The following PLA2R1 variants were observed in gnomAD, a reference collection of about 807,000 sequenced individuals.
PLA2R1 encodes the protein secretory phospholipase A2 receptor.
Under a neutral mutation model 195.9 loss-of-function variants are expected in PLA2R1, and 158 were observed. The observed-to-expected ratio is 0.81, with a 90% confidence interval of 0.71 to 0.92. The LOEUF (loss-of-function observed/expected upper bound fraction) is 0.92, where lower values mean the gene tolerates loss of function less well. Among genes scored for constraint, PLA2R1 ranks in the 40% least tolerant of loss-of-function variants. The pLI, the probability that PLA2R1 is intolerant of heterozygous loss-of-function variation, is 0.00. For missense variants in PLA2R1, 1,626 were observed against 1,764.6 expected, an observed-to-expected ratio of 0.92 and a Z score of 1.41; for synonymous variants, 586 against 598.2, an observed-to-expected ratio of 0.98 and a Z score of 0.30.
Position 159,959,670 on chromosome 2 carries a change from A to T in PLA2R1, c.2905-3043T>A, listed in dbSNP as rs114570068. On this transcript the variant is annotated intron_variant, in intron 20 of 29. Coordinates refer to ENST00000283243, the MANE Select transcript of PLA2R1 (RefSeq NM_007366.5). The stretch of plus-strand genomic sequence containing the variant: ...TGGAAATGAAATTCAGTTCCCTCCA[A>T]ACTTGGTCCTTTCCCAGTGTTCCTA... Among the ~76,000 whole-genome samples the T allele has an allele frequency of 3.4e-3, 511 of 152,226 alleles. 4 individuals are homozygous for T. The highest frequency in any genetic ancestry group is 0.012 in the African/African-American group (498 of 41,544).
chr2:160,002,189 C>A (rs985406313), intron 11 of PLA2R1, among the ~76,000 whole-genome samples: 2 of 151,656 alleles, frequency 1.3e-5, no homozygotes, highest in African/African-American at 4.8e-5. Flanking sequence ...TAAAAAAAAT[C>A]TTCTAAATAA....
In PLA2R1 at chr2:159,987,234, T is replaced by C. The variant is rs971218748; in HGVS notation, c.1959A>G (p.Ala653=). ...CKQPVENQEK[A]EYEERWPFHP... is the part of the protein sequence containing the mutation. Reference sequence around the variant, plus strand: ...GAAAGGGCCATCTCTCTTCATACTCTGCTTTTTCCTGATTTTCAACTGGCT... The same window carrying C: ...GAAAGGGCCATCTCTCTTCATACTCCGCTTTTTCCTGATTTTCAACTGGCT... The change falls in exon 12 of 30, where the codon GCA becomes GCG. Residue 653 remains alanine (A), a synonymous_variant. Coordinates refer to ENST00000283243, the MANE Select transcript of PLA2R1 (RefSeq NM_007366.5). 1.9e-6 allele frequency: 3 copies of C among 1,612,596 alleles called. No homozygotes were observed. The highest frequency in any genetic ancestry group is 3.3e-5 in the Admixed American group (2 of 59,980).
intron 13 of PLA2R1, among the ~76,000 whole-genome samples, chr2:159,982,132 A>C (rs1322590749): frequency 1.3e-5 from 2 of 152,220 alleles, no homozygotes; most frequent in Non-Finnish European, 2.9e-5. Flanking sequence ...TCATATGGCA[A>C]ACCTCACTAA....
chr2:159,981,222 T>TGC (rs1351387014), intron 13 of PLA2R1, among the ~76,000 whole-genome samples: 4 of 151,102 alleles, frequency 2.6e-5, no homozygotes, highest in African/African-American at 9.7e-5. Context: ...CATACGTGTG[T>TGC]GTGTGTGTGT....
At chr2:159,993,111 C>CT (rs982797242) in intron 11 of PLA2R1, among the ~76,000 whole-genome samples, 2 of 152,116 alleles carry the variant, frequency 1.3e-5, no homozygotes, top group Non-Finnish European at 2.9e-5. Flanking sequence ...TATATTGAAT[C>CT]TTTAATCTAG....
chr2:159,945,606 C>T (rs1228119021), intron 27 of PLA2R1, among the ~76,000 whole-genome samples: 1 of 152,160 alleles, frequency 6.6e-6, no homozygotes, highest in African/African-American at 2.4e-5. Context: ...CATTGTTGGA[C>T]ATTTGGGTTG....
chr2:160,044,873 C>A lies in PLA2R1; in HGVS notation c.394G>T (p.Val132Leu). ...ITGPLQYSVQ[V>L]AHDNTVVASR... ...GCCACCACTGTGTTGTCATGCGCCA[C>A]CTGGACAGAGTACTGCAGCGGGCCT... Residue 132 changes from valine to leucine, a missense_variant, in exon 2 of 30, where the codon GTG (valine) becomes TTG (leucine). By Grantham distance (32) the Val-to-Leu change is conservative. Transcript: ENST00000283243. 6.2e-7 allele frequency: 1 copy of A among 1,614,154 alleles called. No individual in the cohort carries two copies. Among genetic ancestry groups the A allele is most frequent in the Non-Finnish European group, 8.5e-7 (1 of 1,179,982 alleles).
Position 160,061,257 on chromosome 2 carries a change from G to T in PLA2R1, c.109+1038C>A, listed in dbSNP as rs74640647. ...CATATATGGACTTCTGCACTTAGGC[G>T]CAGGCTTCTCTGCCTGAGGTGGCCC... is the stretch of plus-strand genomic sequence containing the variant. On this transcript the variant is annotated intron_variant, in intron 1 of 29. Coordinates refer to ENST00000283243, the MANE Select transcript of PLA2R1 (RefSeq NM_007366.5). 5.0e-4 allele frequency among the ~76,000 whole-genome samples: 76 copies of T among 152,248 alleles called. 1 individual carries two copies. In the East Asian group the frequency reaches 0.014, roughly 28 times the overall value.
chr2:159,993,469 C>CACACACAT (rs1558876839), intron 11 of PLA2R1, among the ~76,000 whole-genome samples: 2 of 151,714 alleles, frequency 1.3e-5, no homozygotes, highest in African/African-American at 4.8e-5. Context: ...CACACACACA[C>CACACACAT]ACACACACTT....
At chr2:160,007,488 C>T (rs1385974977) in intron 10 of PLA2R1, among the ~76,000 whole-genome samples, 1 of 152,256 alleles carries the variant, frequency 6.6e-6, no homozygotes, top group African/African-American at 2.4e-5. Context: ...AGACAAGCGG[C>T]TGGACATCCA....
At chr2:160,049,605 C>CA (rs1175720061) in intron 1 of PLA2R1, among the ~76,000 whole-genome samples, 3 of 152,070 alleles carry the variant, frequency 2.0e-5, no homozygotes, top group Non-Finnish European at 2.9e-5. Flanking sequence ...TGGTGGCTCA[C>CA]ACCTGTAATC....
At chr2:159,992,046 T>C (rs2105340519) in intron 11 of PLA2R1, among the ~76,000 whole-genome samples, 1 of 131,790 alleles carries the variant, frequency 7.6e-6, no homozygotes, top group East Asian at 2.2e-4. Context: ...CACACTGACT[T>C]CCACAATGGT....
intron 1 of PLA2R1, among the ~76,000 whole-genome samples, chr2:160,048,311 C>T (rs1245205680): frequency 2.0e-5 from 3 of 152,176 alleles, no homozygotes; most frequent in Non-Finnish European, 2.9e-5. Flanking sequence ...ACACCAGCTG[C>T]CTTTAGGAAA....
intron 27 of PLA2R1, chr2:159,946,079 G>C: frequency 1.1e-6 from 1 of 934,868 alleles, no homozygotes; most frequent in African/African-American, 1.8e-5. Context: ...CAAGGGGGTA[G>C]GGGCGGTAGG....
At chr2:160,015,629 G>A (rs920297591) in intron 9 of PLA2R1, among the ~76,000 whole-genome samples, 12 of 152,022 alleles carry the variant, frequency 7.9e-5, no homozygotes, top group Non-Finnish European at 1.6e-4. Flanking sequence ...CCCCTGCCCC[G>A]TCTTCAATAT....
At chr2:160,013,721 CTGTGTGTGTGTG>C (rs71000325) in intron 9 of PLA2R1, among the ~76,000 whole-genome samples, 3 of 116,670 alleles carry the variant, frequency 2.6e-5, no homozygotes, top group Admixed American at 1.9e-4. Flanking sequence ...CTCTCTCTCT[CTGTGTGTGTGTG>C]TGTGTGTGTG....
At chr2:160,046,878 T>C (rs1387867180) in intron 1 of PLA2R1, among the ~76,000 whole-genome samples, 1 of 152,224 alleles carries the variant, frequency 6.6e-6, no homozygotes, top group Non-Finnish European at 1.5e-5. Context: ...GTCCGATAAT[T>C]AACCTTCTGT....
chr2:159,973,202 C>G (rs549682830), intron 17 of PLA2R1, among the ~76,000 whole-genome samples: 11 of 152,228 alleles, frequency 7.2e-5, no homozygotes, highest in Admixed American at 3.9e-4. Flanking sequence ...TCCAGCAGGA[C>G]GTTCTTAGGT....
chr2:159,930,457 T>A (rs1372452872), downstream of PLA2R1, among the ~76,000 whole-genome samples: 1 of 150,394 alleles, frequency 6.6e-6, no homozygotes, highest in Admixed American at 6.6e-5. Flanking sequence ...ACTGCTTGCA[T>A]GATGGGTGCA....
Sources: allele counts gnomAD v4.1 joint callset (sites outside exome capture counted in the v4.1 genomes callset), GRCh38; gene constraint gnomAD v4.1.1; transcripts MANE v1.5; gene names NCBI Gene and HGNC (gene_info 2026-07-23, HGNC 2026-07-21).